Variants in RANBP10 observed in about 807,000 individuals in gnomAD.
The protein encoded by RANBP10 is ran-binding protein 10.
In RANBP10, 24 loss-of-function variants were observed where a neutral mutation model predicts 72.8. That is an observed-to-expected ratio of 0.33 (90% CI 0.24 to 0.46). The LOEUF is 0.46. RANBP10 is among the 20% of genes least tolerant of loss of function. The probability of loss-of-function intolerance (pLI) is 1.00; values close to 1 mark genes in which losing one functional copy is unlikely to be tolerated. For missense variants in RANBP10, 679 were observed against 817.5 expected (o/e 0.83, Z 2.07); for synonymous variants, 310 against 322.3 (o/e 0.96, Z 0.41).
chr16:67,785,955 G>A (rs1404309286), intron 2 of RANBP10, among the ~76,000 whole-genome samples: 1 of 151,370 alleles, frequency 6.6e-6, no homozygotes, highest in Non-Finnish European at 1.5e-5. Flanking sequence ...TAACTTGGGA[G>A]GCGGAGCTTG....
chr16:67,797,045 G>A (rs963466062), intron 2 of RANBP10, among the ~76,000 whole-genome samples: 2 of 151,970 alleles, frequency 1.3e-5, no homozygotes, highest in South Asian at 2.1e-4. Flanking sequence ...CTTCCCAATG[G>A]TCCCATAATA....
rs1406074145 is a variant in RANBP10, at chr16:67,727,401, C to G, written c.1658G>C (p.Ser553Thr). The part of the protein sequence containing the change: ...FSLLAYSDPW[S>T]CPVGQQLDPI... ...GTCAAGCTGCTGGCCAACTGGGCAGCTCCAGGGGTCTGAGTATGCCAGCAG... is the reference window on the plus strand; with the variant it reads ...GTCAAGCTGCTGGCCAACTGGGCAGGTCCAGGGGTCTGAGTATGCCAGCAG... Residue 553 changes from serine (S) to threonine (T), a missense_variant, in exon 13 of 14, where the codon AGC (serine) becomes ACC (threonine). By Grantham distance (58) the Ser-to-Thr change is moderately conservative (BLOSUM62 1). Transcript: ENST00000317506. 19 of 1,614,042 alleles carry G rather than the reference C, an allele frequency of 1.2e-5. No individual in the cohort carries two copies. The highest frequency in any genetic ancestry group is 1.4e-5 in the Non-Finnish European group (16 of 1,179,968).
At chr16:67,767,406 G>A (rs73591961) in intron 3 of RANBP10, among the ~76,000 whole-genome samples, 21,108 of 145,010 alleles carry the variant, frequency 0.15, 1,703 homozygotes, top group African/African-American at 0.22. Flanking sequence ...GCAGTGAGCC[G>A]TGACCACTCC....
intron 2 of RANBP10, among the ~76,000 whole-genome samples, chr16:67,801,733 T>C (rs567077226): frequency 6.6e-6 from 1 of 151,924 alleles, no homozygotes; most frequent in South Asian, 2.1e-4. Flanking sequence ...GGCAGGAGGA[T>C]CACTTGAGGC....
At chr16:67,786,980 TG>T (rs2143016969) in intron 2 of RANBP10, among the ~76,000 whole-genome samples, 1 of 152,228 alleles carries the variant, frequency 6.6e-6, no homozygotes, top group South Asian at 2.1e-4. Flanking sequence ...GGCTCACACC[TG>T]TAATTCCAGC....
intron 2 of RANBP10, among the ~76,000 whole-genome samples, chr16:67,793,180 T>C (rs528225433): frequency 6.6e-6 from 1 of 152,200 alleles, no homozygotes; most frequent in African/African-American, 2.4e-5. Context: ...CCTGTGTAAT[T>C]ACGGAGCTGA....
intron 3 of RANBP10, among the ~76,000 whole-genome samples, chr16:67,767,957 T>G (rs570007314): frequency 6.6e-6 from 1 of 151,208 alleles, no homozygotes; most frequent in African/African-American, 2.4e-5. Flanking sequence ...TCCCAGCTAC[T>G]CAGGAGACTA....
intron 3 of RANBP10, among the ~76,000 whole-genome samples, chr16:67,764,742 T>C (rs1004415985): frequency 6.6e-6 from 1 of 152,194 alleles, no homozygotes; most frequent in Non-Finnish European, 1.5e-5. Context: ...TCATTTCTGG[T>C]TCGGAAGACT....
At chr16:67,733,023 C>CAGCCTGGGCGACAA (rs2053765260) in intron 6 of RANBP10, among the ~76,000 whole-genome samples, 1 of 134,020 alleles carries the variant, frequency 7.5e-6, no homozygotes, top group Admixed American at 8.5e-5. Flanking sequence ...CACTGCACTA[C>CAGCCTGGGCGACAA]AGCCTGGGCG....
Position 67,784,382 on chromosome 16 carries a change from C to A in RANBP10, c.348-12296G>T, listed in dbSNP as rs575382485. 1.2e-3 allele frequency among the ~76,000 whole-genome samples: 177 copies of A among 151,940 alleles called. 1 individual carries two copies. Among genetic ancestry groups the A allele is most frequent in the African/African-American group, 4.1e-3 (168 of 41,422 alleles). ...ACTAAAAATACAAAATTAGGCCAGG[C>A]CTGGTGGCTCACGCCTGTAATCCCA... On this transcript the variant is annotated intron_variant, in intron 2 of 13. Transcript: ENST00000317506.
rs114592561 is a variant in RANBP10 at position 67,742,917 on chromosome 16, T to A, written c.568+1371A>T. ...CCCTCTATCCACTAGCTCCTCACCA[T>A]CTGGTCACTAGCAACTGCAGCCAGG... On this transcript the variant is annotated intron_variant, in intron 4 of 13. Transcript: ENST00000317506. Among the ~76,000 whole-genome samples the A allele has an allele frequency of 2.8e-3, 433 of 152,318 alleles. 6 individuals carry two copies. The highest frequency in any genetic ancestry group is 0.01 in the African/African-American group (417 of 41,566).
At chr16:67,776,670 G>C (rs1023735651) in intron 2 of RANBP10, among the ~76,000 whole-genome samples, 2 of 150,720 alleles carry the variant, frequency 1.3e-5, no homozygotes, top group Non-Finnish European at 3.0e-5. Context: ...CTACTTGGGA[G>C]GCCAAGGCAG....
chr16:67,784,325 C>A (rs552962127), intron 2 of RANBP10, among the ~76,000 whole-genome samples: 3 of 152,252 alleles, frequency 2.0e-5, no homozygotes, highest in Non-Finnish European at 2.9e-5. Flanking sequence ...AGTTTGAAAC[C>A]AGCCTGACCA....
In RANBP10 at chr16:67,805,421, G is replaced by C. The variant is rs774820887; in HGVS notation, c.347+7C>G. On this transcript the variant is annotated splice_region_variant and intron_variant, in intron 2 of 13. Transcript: ENST00000317506. ...TCAGGGAAAGAGGGTGGTCATGAAG[G>C]GCTTACCCATCTCTTCCTTTGCTGA... 27 of 1,610,612 alleles carry C rather than the reference G, an allele frequency of 1.7e-5. No individual in the cohort carries two copies. Among genetic ancestry groups the C allele is most frequent in the Non-Finnish European group, 2.2e-5 (26 of 1,177,282 alleles).
Position 67,745,944 on chromosome 16 carries a change from G to C in RANBP10, c.401-1489C>G, listed in dbSNP as rs1286402219. On this transcript the variant is annotated intron_variant, in intron 3 of 13. Coordinates refer to ENST00000317506, the MANE Select transcript of RANBP10 (RefSeq NM_020850.3). ...GGCCGCAGTGGGTGGATCAACTGAG[G>C]TCGGGAGTTCAAGACAAGCCTGACC... 3.3e-5 allele frequency among the ~76,000 whole-genome samples: 5 copies of C among 151,890 alleles called. No homozygotes were observed. In the East Asian group the frequency reaches 7.8e-4, roughly 24 times the overall value.
In RANBP10 at chr16:67,727,788, T is replaced by C. The variant is rs767878233; in HGVS notation, c.1583A>G (p.Glu528Gly). Residue 528 changes from glutamate to glycine, a missense_variant, in exon 12 of 14, where the codon GAG (glutamate) becomes GGG (glycine). By Grantham distance (98) the Glu-to-Gly change is moderately conservative. Coordinates refer to ENST00000317506, the MANE Select transcript of RANBP10 (RefSeq NM_020850.3). The part of the protein sequence containing the change: ...LQALSEQLGR[E>G]YGKNLAHTEM... The stretch of plus-strand genomic sequence containing the variant: ...TGTGTGGGCCAAATTCTTGCCGTAC[T>C]CCCGGCCCAACTGCTCACTCAATGC... 2 of 1,614,050 alleles carry C rather than the reference T, an allele frequency of 1.2e-6. No individual in the cohort carries two copies. The highest frequency in any genetic ancestry group is 1.7e-6 in the Non-Finnish European group (2 of 1,180,050).
At chr16:67,741,043 T>C (rs2053960020) in intron 4 of RANBP10, among the ~76,000 whole-genome samples, 2 of 152,096 alleles carry the variant, frequency 1.3e-5, no homozygotes, top group East Asian at 1.9e-4. Flanking sequence ...CCAAGCTCCG[T>C]AAATTATATA....
At chr16:67,781,815 A>C (rs1201304714) in intron 2 of RANBP10, among the ~76,000 whole-genome samples, 1 of 152,182 alleles carries the variant, frequency 6.6e-6, no homozygotes, top group African/African-American at 2.4e-5. Context: ...TGCTTGGGAC[A>C]AGTGGAGTCG....
At chr16:67,794,752 T>C (rs2055094646) in intron 2 of RANBP10, among the ~76,000 whole-genome samples, 1 of 150,722 alleles carries the variant, frequency 6.6e-6, no homozygotes, top group African/African-American at 2.4e-5. Flanking sequence ...CTTGATCTCC[T>C]GACCTCATGA....
Sources: allele counts gnomAD v4.1 joint callset (sites outside exome capture counted in the v4.1 genomes callset), GRCh38; gene constraint gnomAD v4.1.1; transcripts MANE v1.5; gene names NCBI Gene and HGNC (gene_info 2026-07-23, HGNC 2026-07-21).